CFAP58: variants seen among roughly 807,000 people sequenced by gnomAD.
CFAP58 encodes the protein cilia and flagella associated protein 58.
CFAP58 carries 88 observed loss-of-function variants against 119.5 expected under a neutral mutation model. The ratio of observed to expected loss-of-function variants is 0.74; its 90% CI spans 0.62 to 0.88. CFAP58 has a LOEUF of 0.88. Ranked by LOEUF, CFAP58 falls within the 40% of genes least tolerant of loss-of-function variation. The probability of loss-of-function intolerance (pLI) is 0.00; values close to 1 mark genes in which losing one functional copy is unlikely to be tolerated. For missense variants in CFAP58, 990 were observed against 1,021.2 expected, an observed-to-expected ratio of 0.97 and a Z score of 0.42; for synonymous variants, 365 against 366.3, an observed-to-expected ratio of 1.00 and a Z score of 0.04.
intron 17 of CFAP58, among the ~76,000 whole-genome samples, chr10:104,450,668 G>GA (rs2013179738): frequency 7.9e-6 from 1 of 126,354 alleles, no homozygotes; most frequent in Non-Finnish European, 1.7e-5. Flanking sequence ...GTTCACCTAT[G>GA]TTTTATTTAT....
At chr10:104,369,536 G>C (rs1278544491) in intron 6 of CFAP58, among the ~76,000 whole-genome samples, 1 of 152,198 alleles carries the variant, frequency 6.6e-6, no homozygotes, top group Non-Finnish European at 1.5e-5. Context: ...AGAATGGGTA[G>C]ACTTGAAACC....
At chr10:104,429,898 T>G (rs922065320) in intron 15 of CFAP58, among the ~76,000 whole-genome samples, 2 of 151,448 alleles carry the variant, frequency 1.3e-5, no homozygotes, top group African/African-American at 4.9e-5. Context: ...CAGCCTCTCC[T>G]CTTTTGCCTG....
At chr10:104,357,884 T>TATACACACATATATGTACACAC (rs2014581768) in intron 1 of CFAP58, among the ~76,000 whole-genome samples, 1 of 119,712 alleles carries the variant, frequency 8.4e-6, no homozygotes, top group Non-Finnish European at 1.7e-5. Context: ...TATGTACACA[T>TATACACACATATATGTACACAC]ATATAAACAT....
chr10:104,449,948 ATTGTG>A, intron 16 of CFAP58, 118 bp from the exon 17 acceptor site: 1 of 926,224 alleles, frequency 1.1e-6, no homozygotes. Context: ...ATGCAGATTA[ATTGTG>A]AAACTTGGGC....
intron 3 of CFAP58, among the ~76,000 whole-genome samples, chr10:104,363,995 G>A (rs1044968703): frequency 6.6e-6 from 1 of 152,090 alleles, no homozygotes; most frequent in Non-Finnish European, 1.5e-5. Context: ...TTTGAAATTT[G>A]GAGGTAACTG....
intron 13 of CFAP58, among the ~76,000 whole-genome samples, chr10:104,401,596 G>T (rs564773335): frequency 1.3e-5 from 2 of 152,294 alleles, no homozygotes; most frequent in South Asian, 4.1e-4. Flanking sequence ...ATTCCCCACA[G>T]ACTTGTAGAT....
chr10:104,413,566 C>A (rs1195309464), intron 15 of CFAP58, among the ~76,000 whole-genome samples: 2 of 152,144 alleles, frequency 1.3e-5, no homozygotes, highest in African/African-American at 4.8e-5. Context: ...GTGGCCTCTC[C>A]TTGCTGTTGT....
At chr10:104,453,761 A>T (rs1307044293) in intron 17 of CFAP58, among the ~76,000 whole-genome samples, 4 of 138,840 alleles carry the variant, frequency 2.9e-5, no homozygotes, top group African/African-American at 5.4e-5. Flanking sequence ...CATGAATATG[A>T]GTGTGTGTGT....
chr10:104,363,527 A>G (rs1421993235), intron 3 of CFAP58, among the ~76,000 whole-genome samples: 3 of 152,244 alleles, frequency 2.0e-5, no homozygotes, highest in Admixed American at 6.5e-5. Context: ...GAAGTCAAGC[A>G]TATTCAGAGC....
the CFAP58 span, among the ~76,000 whole-genome samples, chr10:104,343,512 C>A: frequency 6.6e-6 from 1 of 152,166 alleles, no homozygotes; most frequent in Admixed American, 6.5e-5. Flanking sequence ...TTCTACAGAA[C>A]CTACGTTTTT....
At chr10:104,368,342 G>A in intron 5 of CFAP58, 81 bp from the exon 6 acceptor site, 1 of 1,420,900 alleles carries the variant, frequency 7.0e-7, no homozygotes, top group South Asian at 1.3e-5. Flanking sequence ...TTCCCAGGAG[G>A]TTTGTGGGGC....
chr10:104,368,577 A>G lies in CFAP58; in HGVS notation c.930+17A>G, dbSNP rs1301648733. 2 of 1,613,186 alleles carry G rather than the reference A, an allele frequency of 1.2e-6. No individual in the cohort carries two copies. The highest frequency in any genetic ancestry group is 4.5e-5 in the East Asian group (2 of 44,874). ...GAGCTCAAAGTAAACACCAAGTTACATGTCTGTTCCCTAGCTCTTTCTTCC... is the reference window on the plus strand; with the variant it reads ...GAGCTCAAAGTAAACACCAAGTTACGTGTCTGTTCCCTAGCTCTTTCTTCC... On this transcript the variant is annotated intron_variant, in intron 6 of 17. Transcript: ENST00000369704.
chr10:104,397,367 CA>C (rs2012183014), intron 11 of CFAP58, among the ~76,000 whole-genome samples: 1 of 152,096 alleles, frequency 6.6e-6, no homozygotes, highest in Non-Finnish European at 1.5e-5. Flanking sequence ...CATGAATGAA[CA>C]AACAAAATGT....
intron 15 of CFAP58, among the ~76,000 whole-genome samples, chr10:104,419,799 T>C (rs573854704): frequency 1.3e-5 from 2 of 152,326 alleles, no homozygotes; most frequent in East Asian, 1.9e-4. Flanking sequence ...GAATAGTCCC[T>C]GGCACATAGC....
intron 15 of CFAP58, among the ~76,000 whole-genome samples, chr10:104,431,759 T>A (rs2012851287): frequency 1.3e-5 from 2 of 151,516 alleles, no homozygotes; most frequent in South Asian, 4.1e-4. Flanking sequence ...ATTTTTGTGC[T>A]TTTACTGCAA....
intron 15 of CFAP58, among the ~76,000 whole-genome samples, chr10:104,407,725 C>G (rs972183628): frequency 2.0e-5 from 3 of 152,150 alleles, no homozygotes; most frequent in African/African-American, 7.2e-5. Flanking sequence ...TTGAGACAGT[C>G]TTGCTCTGTT....
intron 15 of CFAP58, among the ~76,000 whole-genome samples, chr10:104,435,633 T>A (rs1045360410): frequency 1.3e-5 from 2 of 152,228 alleles, no homozygotes; most frequent in African/African-American, 2.4e-5. Flanking sequence ...TCCTCCCTTG[T>A]TGACTCTTCT....
At chr10:104,391,437 T>C (rs559513883) in intron 9 of CFAP58, among the ~76,000 whole-genome samples, 1 of 152,334 alleles carries the variant, frequency 6.6e-6, no homozygotes, top group Non-Finnish European at 1.5e-5. Flanking sequence ...CTAGCTGTTA[T>C]TTACACTGTA....
chr10:104,401,809 C>G (rs770865367), intron 13 of CFAP58, among the ~76,000 whole-genome samples: 5 of 150,476 alleles, frequency 3.3e-5, no homozygotes, highest in Admixed American at 1.3e-4. Context: ...GAAAGCAGTA[C>G]AAATTCATTG....
Sources: allele counts gnomAD v4.1 joint callset (sites outside exome capture counted in the v4.1 genomes callset), GRCh38; gene constraint gnomAD v4.1.1; transcripts MANE v1.5; gene names NCBI Gene and HGNC (gene_info 2026-07-23, HGNC 2026-07-21).